The following ESRRG variants were observed in gnomAD, a reference collection of about 807,000 sequenced individuals.
ESRRG encodes the protein estrogen-related receptor gamma.
In ESRRG, 13 loss-of-function variants were observed where a neutral mutation model predicts 44.0. That is an observed-to-expected ratio of 0.30 (90% CI 0.19 to 0.47). ESRRG has a LOEUF of 0.47. ESRRG is among the 20% of genes least tolerant of loss of function. The probability of loss-of-function intolerance (pLI) is 1.00; values close to 1 mark genes in which losing one functional copy is unlikely to be tolerated. For synonymous variants in ESRRG, 215 were observed against 214.6 expected, an observed-to-expected ratio of 1.00 and a Z score of -0.02; for missense variants, 395 against 580.6, an observed-to-expected ratio of 0.68 and a Z score of 3.29.
intron 2 of ESRRG, among the ~76,000 whole-genome samples, chr1:216,825,664 G>C (rs1025219548): frequency 6.6e-6 from 1 of 152,218 alleles, no homozygotes; most frequent in Non-Finnish European, 1.5e-5. Context: ...GATGCTAGAA[G>C]TGTATGTAGT....
chr1:216,734,610 T>C (rs367581042), intron 2 of ESRRG, among the ~76,000 whole-genome samples: 2 of 152,288 alleles, frequency 1.3e-5, no homozygotes, highest in East Asian at 3.9e-4. Flanking sequence ...CACTTATGCT[T>C]CTTGTACAGT....
At chr1:216,953,914 G>A (rs1358470392) in intron 1 of ESRRG, among the ~76,000 whole-genome samples, 3 of 151,348 alleles carry the variant, frequency 2.0e-5, no homozygotes, top group African/African-American at 7.3e-5. Flanking sequence ...ATCAATTTGG[G>A]GGGCAATGAA....
At chr1:216,702,978 A>C (rs2081716381) in intron 1 of ESRRG, among the ~76,000 whole-genome samples, 1 of 152,194 alleles carries the variant, frequency 6.6e-6, no homozygotes, top group African/African-American at 2.4e-5. Context: ...AAATTTTAAA[A>C]AAATAATAAT....
intron 5 of ESRRG, among the ~76,000 whole-genome samples, chr1:216,530,109 C>CA (rs34108833): frequency 0.1 from 6,541 of 62,372 alleles, 269 homozygotes; most frequent in African/African-American, 0.14. Context: ...GAGACTCCAT[C>CA]AAAAAAAAAA....
chr1:217,026,912 C>CAGAGAGAGAGAGAGAGAGAG (rs71163786), intron 1 of ESRRG, among the ~76,000 whole-genome samples: 6 of 93,466 alleles, frequency 6.4e-5, no homozygotes, highest in Non-Finnish European at 1.1e-4. Context: ...CACACACACA[C>CAGAGAGAGAGAGAGAGAGAG]AGAGAGAGAG....
chr1:216,643,447 G>C (rs2173374), intron 3 of ESRRG, among the ~76,000 whole-genome samples: 123,835 of 152,164 alleles, frequency 0.81, 50,642 homozygotes, highest in African/African-American at 0.85. Flanking sequence ...TAATCTATGA[G>C]TCAGAGAAAA....
chr1:216,807,350 C>T (rs1469574138), intron 2 of ESRRG, among the ~76,000 whole-genome samples: 2 of 152,082 alleles, frequency 1.3e-5, no homozygotes, highest in African/African-American at 4.8e-5. Context: ...TGGTTCAGGT[C>T]TGATAGTCAT....
chr1:216,958,513 CT>C (rs34959064), intron 1 of ESRRG, among the ~76,000 whole-genome samples: 78,281 of 151,868 alleles, frequency 0.52, 21,889 homozygotes, highest in Middle Eastern at 0.7. Context: ...TGGTCTTTCT[CT>C]GATGATGATT....
rs1328542476 is a variant in ESRRG at position 216,873,214 on chromosome 1, T to TTTTG, written c.-14+66367_-14+66368insCAAA. On this transcript the variant is annotated intron_variant, in intron 2 of 7. Transcript: ENST00000359162. The stretch of plus-strand genomic sequence containing the variant: ...AGTTCATAAACATCTTTTCAGTTTT[T>TTTTG]TTTTTTTTTTTTTTTTGACAGAGTT... Among the ~76,000 whole-genome samples the TTTTG allele has an allele frequency of 3.0e-4, 44 of 144,920 alleles. 1 individual carries two copies. The highest frequency in any genetic ancestry group is 1.1e-3 in the African/African-American group (41 of 37,970).
intron 1 of ESRRG, among the ~76,000 whole-genome samples, chr1:216,942,124 A>C (rs920613418): frequency 5.4e-5 from 8 of 147,342 alleles, no homozygotes; most frequent in African/African-American, 2.0e-4. Flanking sequence ...GTCTGTTTCT[A>C]TCCAATGTTT....
At chr1:216,985,172 A>G (rs151137994) in intron 1 of ESRRG, among the ~76,000 whole-genome samples, 1 of 152,326 alleles carries the variant, frequency 6.6e-6, no homozygotes, top group African/African-American at 2.4e-5. Flanking sequence ...ACTTCAAAAC[A>G]TATTTCTAAG....
intron 2 of ESRRG, among the ~76,000 whole-genome samples, chr1:216,843,068 CA>C (rs1420971553): frequency 6.6e-6 from 1 of 151,984 alleles, no homozygotes; most frequent in East Asian, 1.9e-4. Context: ...TCATGATGAT[CA>C]GGGAATTGGA....
intron 1 of ESRRG, among the ~76,000 whole-genome samples, chr1:217,057,715 T>A (rs973184033): frequency 1.3e-5 from 2 of 152,160 alleles, no homozygotes; most frequent in Non-Finnish European, 2.9e-5. Flanking sequence ...AAAAAGGATT[T>A]AAGACAAGCT....
At chr1:217,057,418 G>A (rs894852872) in intron 1 of ESRRG, among the ~76,000 whole-genome samples, 3 of 152,036 alleles carry the variant, frequency 2.0e-5, no homozygotes, top group East Asian at 1.9e-4. Flanking sequence ...ATAGAATAAG[G>A]AGCAGAATAG....
At chr1:217,029,495 G>A (rs1029626465) in intron 1 of ESRRG, among the ~76,000 whole-genome samples, 1 of 152,154 alleles carries the variant, frequency 6.6e-6, no homozygotes, top group African/African-American at 2.4e-5. Flanking sequence ...TTACACAACA[G>A]GTCCTGCCAG....
intron 1 of ESRRG, among the ~76,000 whole-genome samples, chr1:216,710,045 T>C (rs2083287719): frequency 6.6e-6 from 1 of 152,240 alleles, no homozygotes; most frequent in Non-Finnish European, 1.5e-5. Context: ...CTCCCTCGCA[T>C]GCCTTCTCTG....
At chr1:216,938,266 T>C (rs2064507624) in intron 2 of ESRRG, among the ~76,000 whole-genome samples, 1 of 152,216 alleles carries the variant, frequency 6.6e-6, no homozygotes, top group South Asian at 2.1e-4. Context: ...ATAGTAAGCA[T>C]GAATTTGAAG....
intron 1 of ESRRG, among the ~76,000 whole-genome samples, chr1:217,134,673 C>A (rs1224766862): frequency 3.3e-5 from 5 of 152,240 alleles, no homozygotes; most frequent in Admixed American, 3.3e-4. Flanking sequence ...GAGCGCCTGG[C>A]TGCGGCTCCG....
chr1:217,009,856 C>T (rs927255906), intron 1 of ESRRG, among the ~76,000 whole-genome samples: 1 of 151,844 alleles, frequency 6.6e-6, no homozygotes, highest in South Asian at 2.1e-4. Context: ...CAGGTGCCTG[C>T]CACCGTATCT....
Sources: gnomAD v4.1 joint callset for allele counts (sites outside exome capture counted in the v4.1 genomes callset) on GRCh38, gnomAD v4.1.1 for gene constraint, MANE v1.5 for transcripts, NCBI Gene and HGNC (gene_info 2026-07-23, HGNC 2026-07-21) for gene names.